DLC1: variants seen among roughly 807,000 people sequenced by gnomAD.
DLC1 encodes the protein rho GTPase-activating protein 7.
Under a neutral mutation model 140.3 loss-of-function variants are expected in DLC1, and 54 were observed. The observed-to-expected ratio is 0.38, with a 90% CI of 0.31 to 0.48. The LOEUF is 0.48. Ranked by LOEUF, DLC1 falls within the 20% of genes least tolerant of loss-of-function variation. The pLI is 0.96. For missense variants in DLC1, 2,536 were observed against 1,907.0 expected (o/e 1.33, Z -6.14); for synonymous variants, 986 against 728.1 (o/e 1.35, Z -5.70).
At chr8:13,545,325 A>G (rs1322857600) in intron 1 of DLC1, among the ~76,000 whole-genome samples, 1 of 150,374 alleles carries the variant, frequency 6.7e-6, no homozygotes, top group Non-Finnish European at 1.5e-5. Flanking sequence ...TACTATATAT[A>G]TATATACTTT....
intron 5 of DLC1, among the ~76,000 whole-genome samples, chr8:13,195,514 G>A (rs1826994960): frequency 1.3e-5 from 2 of 152,206 alleles, no homozygotes; most frequent in South Asian, 4.1e-4. Context: ...TGATGGAAAT[G>A]AGGATGCTTA....
intron 1 of DLC1, among the ~76,000 whole-genome samples, chr8:13,503,859 A>G (rs9918762): frequency 0.98 from 148,916 of 152,242 alleles, 72,924 homozygotes; most frequent in East Asian, 1. Context: ...GTTCTATCAT[A>G]GATATCTATC....
At chr8:13,451,763 A>G (rs909889934) in intron 2 of DLC1, among the ~76,000 whole-genome samples, 1 of 152,176 alleles carries the variant, frequency 6.6e-6, no homozygotes, top group Non-Finnish European at 1.5e-5. Flanking sequence ...TTATTCATTC[A>G]TGTGTTGATG....
At chr8:13,590,759 A>G (rs1805490907) in intron 1 of DLC1, among the ~76,000 whole-genome samples, 1 of 152,094 alleles carries the variant, frequency 6.6e-6, no homozygotes, top group Non-Finnish European at 1.5e-5. Context: ...TAATTATGCC[A>G]TTATTTAAAA....
chr8:13,352,779 CTG>C (rs1834736062), intron 4 of DLC1, among the ~76,000 whole-genome samples: 2 of 152,264 alleles, frequency 1.3e-5, no homozygotes, highest in Admixed American at 6.5e-5. Flanking sequence ...CGTTAAGCAA[CTG>C]TGAGAACAGT....
intron 2 of DLC1, among the ~76,000 whole-genome samples, chr8:13,461,829 A>G (rs757822247): frequency 6.6e-6 from 1 of 152,128 alleles, no homozygotes; most frequent in Non-Finnish European, 1.5e-5. Flanking sequence ...GTTACCCCGT[A>G]CTATCTTCCT....
chr8:13,409,260 A>G (rs1837687906), intron 2 of DLC1, among the ~76,000 whole-genome samples: 1 of 152,296 alleles, frequency 6.6e-6, no homozygotes. Context: ...TTTCTAACAC[A>G]TATTAAACTA....
intron 4 of DLC1, among the ~76,000 whole-genome samples, chr8:13,355,911 C>A (rs369940199): frequency 1.3e-5 from 2 of 149,018 alleles, no homozygotes; most frequent in African/African-American, 2.5e-5. Flanking sequence ...GGTGAAACCC[C>A]GTCTCTACTA....
At chr8:13,530,216 A>G (rs1449130636) in intron 1 of DLC1, among the ~76,000 whole-genome samples, 2 of 152,182 alleles carry the variant, frequency 1.3e-5, no homozygotes, top group East Asian at 1.9e-4. Flanking sequence ...TTCTCTTCCC[A>G]TATCTATTTA....
chr8:13,381,958 T>G (rs1369987208), intron 4 of DLC1, among the ~76,000 whole-genome samples: 3 of 152,118 alleles, frequency 2.0e-5, no homozygotes, highest in African/African-American at 7.2e-5. Context: ...CAGAGTAGTA[T>G]TGAAAGGACA....
intron 2 of DLC1, among the ~76,000 whole-genome samples, chr8:13,476,305 CTA>C (rs1325112794): frequency 1.3e-5 from 2 of 152,068 alleles, no homozygotes; most frequent in Non-Finnish European, 2.9e-5. Context: ...AGTTTAATCT[CTA>C]TTAAAAAATC....
At chr8:13,192,360 A>C in intron 5 of DLC1, among the ~76,000 whole-genome samples, 1 of 152,330 alleles carries the variant, frequency 6.6e-6, no homozygotes, top group Non-Finnish European at 1.5e-5. Context: ...TAGTAATACA[A>C]AATTCATGAT....
At chr8:13,192,644 C>G (rs961848736) in intron 5 of DLC1, among the ~76,000 whole-genome samples, 1 of 152,152 alleles carries the variant, frequency 6.6e-6, no homozygotes, top group Non-Finnish European at 1.5e-5. Flanking sequence ...TTTGAAGTCT[C>G]AACTCCCAGT....
At chr8:13,199,177 C>CTTTTTTTTTTT (rs71207132) in intron 5 of DLC1, among the ~76,000 whole-genome samples, 20 of 93,270 alleles carry the variant, frequency 2.1e-4, no homozygotes, top group Middle Eastern at 8.8e-3. Context: ...TTCTCTTTTT[C>CTTTTTTTTTTT]TTTTTTTTTT....
chr8:13,086,044 G>C (rs1817528552), intron 17 of DLC1, 113 bp from the exon 18 acceptor site: 3 of 1,472,780 alleles, frequency 2.0e-6, no homozygotes, highest in African/African-American at 2.8e-5. Flanking sequence ...CATTTCCCAT[G>C]CCTTTGAATT....
chr8:13,574,748 G>A (rs907677413), intron 1 of DLC1, among the ~76,000 whole-genome samples: 2 of 152,140 alleles, frequency 1.3e-5, no homozygotes, highest in African/African-American at 2.4e-5. Flanking sequence ...GATAGAAGTG[G>A]TGATGCCAGA....
intron 1 of DLC1, among the ~76,000 whole-genome samples, chr8:13,501,532 G>C (rs1433768047): frequency 6.6e-6 from 1 of 152,108 alleles, no homozygotes; most frequent in Non-Finnish European, 1.5e-5. Context: ...CTGCTATACT[G>C]ATTTTCGATC....
At chr8:13,140,747 G>C (rs1822920097) in intron 5 of DLC1, among the ~76,000 whole-genome samples, 2 of 151,904 alleles carry the variant, frequency 1.3e-5, no homozygotes, top group African/African-American at 4.8e-5. Flanking sequence ...TATTAACTAG[G>C]AGTTTACTTA....
At chr8:13,546,942 T>C (rs1803668189) in intron 1 of DLC1, among the ~76,000 whole-genome samples, 1 of 152,150 alleles carries the variant, frequency 6.6e-6, no homozygotes, top group South Asian at 2.1e-4. Flanking sequence ...AGAAGTTCTT[T>C]CTTCTTGAAT....
Sources: allele counts gnomAD v4.1 joint callset (sites outside exome capture counted in the v4.1 genomes callset), GRCh38; gene constraint gnomAD v4.1.1; transcripts MANE v1.5; gene names NCBI Gene and HGNC (gene_info 2026-07-23, HGNC 2026-07-21).